The following ZNF521 variants were observed in gnomAD, a reference collection of about 807,000 sequenced individuals.
ZNF521 encodes the protein zinc finger protein 521.
A neutral mutation model predicts 105.5 loss-of-function variants in ZNF521; 14 were observed. The observed-to-expected ratio is 0.13, with a 90% CI of 0.09 to 0.21. ZNF521 has a LOEUF of 0.21. Among genes scored for constraint, ZNF521 ranks in the 10% least tolerant of loss-of-function variants. The pLI is 1.00. For missense variants in ZNF521, 1,233 were observed against 1,629.7 expected (o/e 0.76, Z 4.19); for synonymous variants, 635 against 606.0 (o/e 1.05, Z -0.70).
intron 7 of ZNF521, among the ~76,000 whole-genome samples, chr18:25,081,521 T>G (rs540658753): frequency 6.6e-6 from 1 of 152,190 alleles, no homozygotes; most frequent in East Asian, 1.9e-4. Flanking sequence ...TCTTGAAAAT[T>G]TGACTACCAG....
chr18:25,184,308 T>C (rs1390296951), intron 5 of ZNF521, among the ~76,000 whole-genome samples: 3 of 152,196 alleles, frequency 2.0e-5, no homozygotes, highest in Admixed American at 1.3e-4. Context: ...AGGAATTCTC[T>C]TTGACGATGT....
chr18:25,308,129 C>G (rs866622298), intron 3 of ZNF521, among the ~76,000 whole-genome samples: 39 of 141,884 alleles, frequency 2.7e-4, no homozygotes, highest in African/African-American at 9.9e-4. Flanking sequence ...TTGAACCCGG[C>G]AGGCGGAGGT....
At chr18:25,243,538 A>T (rs1047432197) in intron 3 of ZNF521, among the ~76,000 whole-genome samples, 9 of 152,204 alleles carry the variant, frequency 5.9e-5, no homozygotes, top group Non-Finnish European at 1.0e-4. Context: ...AAAATAACTG[A>T]AATAAACTGA....
chr18:25,199,807 C>A (rs2035961739), intron 4 of ZNF521, among the ~76,000 whole-genome samples: 1 of 152,008 alleles, frequency 6.6e-6, no homozygotes, highest in Admixed American at 6.6e-5. Context: ...ATAATTTGTG[C>A]TTAGTTGTTT....
At chr18:25,091,667 A>G (rs1474273771) in intron 6 of ZNF521, among the ~76,000 whole-genome samples, 4 of 152,168 alleles carry the variant, frequency 2.6e-5, no homozygotes, top group Non-Finnish European at 5.9e-5. Context: ...GAAAAAAAAA[A>G]GTGAACACAA....
intron 5 of ZNF521, among the ~76,000 whole-genome samples, chr18:25,183,664 A>C (rs907133172): frequency 6.6e-6 from 1 of 152,168 alleles, no homozygotes; most frequent in African/African-American, 2.4e-5. Flanking sequence ...CGGCATATTA[A>C]ATAGTATAAT....
At chr18:25,086,753 A>G (rs1264019924) in intron 7 of ZNF521, among the ~76,000 whole-genome samples, 1 of 152,216 alleles carries the variant, frequency 6.6e-6, no homozygotes, top group Non-Finnish European at 1.5e-5. Flanking sequence ...GTTTTGGATT[A>G]CAGAGTAAGT....
chr18:25,066,121 G>A lies in ZNF521; in HGVS notation c.3907-3380C>T, dbSNP rs147616325. ...TGGTGTGGAGATGCCTGCAGACCACGGAGGTCTCTTATTCTCATTTTGTTT... is the reference window on the plus strand; with the variant it reads ...TGGTGTGGAGATGCCTGCAGACCACAGAGGTCTCTTATTCTCATTTTGTTT... On this transcript the variant is annotated intron_variant, in intron 7 of 7. Transcript: ENST00000361524. Among the ~76,000 whole-genome samples, 395 of 152,290 alleles carry A rather than the reference G, an allele frequency of 2.6e-3. 2 individuals carry two copies. The highest frequency in any genetic ancestry group is 9.2e-3 in the African/African-American group (383 of 41,550).
At chr18:25,253,060 T>G (rs1908228478) in intron 3 of ZNF521, among the ~76,000 whole-genome samples, 1 of 152,194 alleles carries the variant, frequency 6.6e-6, no homozygotes, top group African/African-American at 2.4e-5. Context: ...AAGAGTTATT[T>G]AATTTCACTT....
intron 5 of ZNF521, among the ~76,000 whole-genome samples, chr18:25,092,290 A>G (rs2033762962): frequency 6.6e-6 from 1 of 152,218 alleles, no homozygotes; most frequent in Non-Finnish European, 1.5e-5. Flanking sequence ...AGATAATCAG[A>G]AGTCAGATTT....
intron 3 of ZNF521, among the ~76,000 whole-genome samples, chr18:25,273,222 A>AAAAAAAAAAAAAAC (rs1909794167): frequency 1.4e-5 from 1 of 71,950 alleles, no homozygotes; most frequent in Non-Finnish European, 2.9e-5. Context: ...CCTGTCTCCA[A>AAAAAAAAAAAAAAC]AAAAAAAAAA....
chr18:25,128,184 A>G (rs1278968124), intron 5 of ZNF521, among the ~76,000 whole-genome samples: 1 of 151,962 alleles, frequency 6.6e-6, no homozygotes, highest in Non-Finnish European at 1.5e-5. Context: ...AAATCAGTTG[A>G]TGTAATCTAT....
At chr18:25,272,919 A>T (rs1028404670) in intron 3 of ZNF521, among the ~76,000 whole-genome samples, 2 of 150,614 alleles carry the variant, frequency 1.3e-5, no homozygotes, top group Non-Finnish European at 3.0e-5. Flanking sequence ...ATAATAATAA[A>T]AAACTGTAAA....
chr18:25,226,074 G>A lies in ZNF521; in HGVS notation c.1844C>T (p.Thr615Ile). The A allele has an allele frequency of 1.2e-6, 2 of 1,614,220 alleles. No individual in the cohort carries two copies. Among genetic ancestry groups the A allele is most frequent in the African/African-American group, 1.3e-5 (1 of 75,070 alleles). ...SPLSPVAIEQ[T>I]SLKMMQAVGG... ...TACTGCCTGCATCATCTTAAGAGAT[G>A]TCTGCTCTATGGCCACAGGAGATAG... The change falls in exon 4 of 8, where the codon ACA becomes ATA. Residue 615 changes from threonine to isoleucine, a missense_variant. Coordinates refer to ENST00000361524, the MANE Select transcript of ZNF521 (RefSeq NM_015461.3). The surrounding 1 kb of genome is among the most constrained non-coding windows in gnomAD (Gnocchi z 4.1).
At chr18:25,323,864 G>A (rs918519826) in intron 2 of ZNF521, among the ~76,000 whole-genome samples, 8 of 151,364 alleles carry the variant, frequency 5.3e-5, no homozygotes, top group African/African-American at 1.5e-4. Context: ...CCCTTCCAAC[G>A]ATTCACATAT....
intron 5 of ZNF521, among the ~76,000 whole-genome samples, chr18:25,176,854 C>T (rs530939066): frequency 2.9e-4 from 44 of 152,360 alleles, no homozygotes; most frequent in Middle Eastern, 6.8e-3. Flanking sequence ...CACCAGCACA[C>T]GTGCGCGTGC....
chr18:25,108,400 T>C (rs528857089), intron 5 of ZNF521, among the ~76,000 whole-genome samples: 1 of 152,324 alleles, frequency 6.6e-6, no homozygotes, highest in East Asian at 1.9e-4. Context: ...ATGTAACATA[T>C]ATGGTATAAG....
At chr18:25,324,188 T>C (rs1233287389) in intron 2 of ZNF521, among the ~76,000 whole-genome samples, 2 of 152,118 alleles carry the variant, frequency 1.3e-5, no homozygotes, top group Admixed American at 6.5e-5. Flanking sequence ...GTTTAGTAAA[T>C]ATTATTTAGT....
chr18:25,112,292 C>T (rs4423504), intron 5 of ZNF521, among the ~76,000 whole-genome samples: 140,876 of 152,234 alleles, frequency 0.93, 65,574 homozygotes, highest in Non-Finnish European at 0.98. Flanking sequence ...AAGGGGCCTT[C>T]GGGTTTTCTC....
Sources: allele counts gnomAD v4.1 joint callset (sites outside exome capture counted in the v4.1 genomes callset), GRCh38; gene constraint gnomAD v4.1.1; non-coding constraint Gnocchi (gnomAD v3.1); transcripts MANE v1.5; gene names NCBI Gene and HGNC (gene_info 2026-07-23, HGNC 2026-07-21).